AKAP12: variants seen among roughly 807,000 people sequenced by gnomAD.
AKAP12 encodes A-kinase anchor protein 12.
A neutral mutation model predicts 79.9 loss-of-function variants in AKAP12; 32 were observed. The observed-to-expected ratio is 0.40, with a 90% CI of 0.30 to 0.54. The LOEUF is 0.54. Among genes scored for constraint, AKAP12 ranks in the 20% least tolerant of loss-of-function variants. The pLI, the probability that AKAP12 is intolerant of heterozygous loss-of-function variation, is 0.48. For synonymous variants in AKAP12, 808 were observed against 857.0 expected, an observed-to-expected ratio of 0.94 and a Z score of 1.00; for missense variants, 2,074 against 2,177.0, an observed-to-expected ratio of 0.95 and a Z score of 0.94.
rs534193934 is a variant in AKAP12, at chr6:151,309,623, C to T, written c.319+3720C>T. Among the ~76,000 whole-genome samples the T allele has an allele frequency of 1.4e-4, 21 of 152,172 alleles. No homozygotes were observed. The South Asian group carries it at 3.7e-3, about 27-fold the overall frequency. On this transcript the variant is annotated intron_variant, in intron 3 of 4. Transcript: ENST00000402676. ...TTCTTAAATGTTAGAAAGAAGGAAC[C>T]GCATATAAATATTGTCTAAACTCTA...
chr6:151,246,223 C>T (rs1329689013), intron 2 of AKAP12, among the ~76,000 whole-genome samples: 1 of 152,168 alleles, frequency 6.6e-6, no homozygotes, highest in African/African-American at 2.4e-5. Flanking sequence ...TCGAGACCAG[C>T]CTGGCCAACA....
chr6:151,351,576 CAGA>C lies in AKAP12; in HGVS notation c.3189_3191del (p.Glu1063del), dbSNP rs1356319131. 3 of 1,614,046 alleles carry C rather than the reference CAGA, an allele frequency of 1.9e-6. No individual in the cohort carries two copies. Among genetic ancestry groups the C allele is most frequent in the African/African-American group, 2.7e-5 (2 of 75,040 alleles). ...TCCCAGCTGCCTGGCACCGGTGGGCCAGAAGATGTGCTTCAGCCTGTGCAGAGA... is the reference window on the plus strand; with the variant it reads ...TCCCAGCTGCCTGGCACCGGTGGGCCAGATGTGCTTCAGCCTGTGCAGAGA... On this transcript the variant is annotated inframe_deletion, in exon 4 of 5. Coordinates refer to ENST00000402676, the MANE Select transcript of AKAP12 (RefSeq NM_005100.4). The surrounding 1 kb of genome is among the most constrained non-coding windows in gnomAD (Gnocchi z 4.4).
chr6:151,311,459 C>T (rs760034176), intron 3 of AKAP12, among the ~76,000 whole-genome samples: 9 of 152,166 alleles, frequency 5.9e-5, no homozygotes, highest in East Asian at 3.9e-4. Context: ...GGTATAGAGG[C>T]GGCTCCCGGT....
At chr6:151,309,954 TG>T (rs1777053992) in intron 3 of AKAP12, among the ~76,000 whole-genome samples, 1 of 150,186 alleles carries the variant, frequency 6.7e-6, no homozygotes, top group African/African-American at 2.5e-5. Context: ...GGGGCAAATC[TG>T]CTTCTACCGA....
rs182366913 is a variant in AKAP12, at chr6:151,305,383, G to A, written c.163-364G>A. Among the ~76,000 whole-genome samples, 336 of 152,304 alleles carry A rather than the reference G, an allele frequency of 2.2e-3. 1 individual carries two copies. The highest frequency in any genetic ancestry group is 5.7e-3 in the African/African-American group (238 of 41,576). On this transcript the variant is annotated intron_variant, in intron 2 of 4. Transcript: ENST00000402676. ...ATTTATTATTTTAAAGTAAAAAAGAGGTTTTTAAGTCTGCCTTCCATAGTA... is the reference window on the plus strand; with the variant it reads ...ATTTATTATTTTAAAGTAAAAAAGAAGTTTTTAAGTCTGCCTTCCATAGTA...
intron 2 of AKAP12, among the ~76,000 whole-genome samples, chr6:151,294,784 T>G (rs1376847902): frequency 6.6e-6 from 1 of 152,260 alleles, no homozygotes; most frequent in African/African-American, 2.4e-5. Context: ...TAAAAACAAC[T>G]ATAACTTTTT....
At chr6:151,328,050 G>A (rs991827188) in intron 3 of AKAP12, among the ~76,000 whole-genome samples, 2 of 152,148 alleles carry the variant, frequency 1.3e-5, no homozygotes, top group Admixed American at 6.5e-5. Flanking sequence ...AGTAACAACC[G>A]GGCGCGGTGG....
chr6:151,259,047 G>GTA (rs199564755), intron 2 of AKAP12, among the ~76,000 whole-genome samples: 24 of 146,812 alleles, frequency 1.6e-4, no homozygotes, highest in South Asian at 8.6e-4. Flanking sequence ...ATATATGTGT[G>GTA]TATATATATA....
At chr6:151,240,125 C>G (rs1052891850) in intron 1 of AKAP12, 66 bp downstream of exon 1, 5 of 158,238 alleles carry the variant, frequency 3.2e-5, no homozygotes, top group Non-Finnish European at 5.5e-5. Flanking sequence ...CTCCCCTGCT[C>G]TCTTGCCTTC....
chr6:151,349,056 C>A lies in AKAP12; in HGVS notation c.665C>A (p.Ala222Asp). 1 of 1,612,552 alleles carries A rather than the reference C, an allele frequency of 6.2e-7. No individual in the cohort carries two copies. The highest frequency in any genetic ancestry group is 8.5e-7 in the Non-Finnish European group (1 of 1,179,658). ...AGDHKDPSLG[A>D]GEAASKESEP... ...GACCACAAGGACCCCAGCCTTGGGG[C>A]TGGAGAAGCAGCATCCAAAGAAAGC... The change falls in exon 4 of 5, where the codon GCT (alanine) becomes GAT (aspartate). Residue 222 changes from alanine to aspartate, a missense_variant. By Grantham distance (126) the Ala-to-Asp change is moderately radical. This residue lies in a region of AKAP12 where 1,428 missense variants were observed against 1,451.0 expected (regional missense o/e 0.98). Transcript: ENST00000402676.
At chr6:151,310,795 C>A (rs953033921) in intron 3 of AKAP12, among the ~76,000 whole-genome samples, 1 of 152,154 alleles carries the variant, frequency 6.6e-6, no homozygotes, top group African/African-American at 2.4e-5. Flanking sequence ...AGGTCTTCAT[C>A]CATTTGAATT....
intron 2 of AKAP12, among the ~76,000 whole-genome samples, chr6:151,292,417 A>G (rs936572949): frequency 4.6e-5 from 7 of 152,220 alleles, no homozygotes; most frequent in Admixed American, 3.9e-4. Flanking sequence ...ATTTGCAGAC[A>G]GTGTGTAGTA....
rs1349850485 is a variant in AKAP12 at position 151,345,932 on chromosome 6, T to TGTGAGAGAGAGAGAGA, written c.320-2778_320-2777insTGAGAGAGAGAGAGAG. ...GTGTGTGTGTGTGTGTGTGTGTGTG[T>TGTGAGAGAGAGAGAGA]GAGAGAGAGAGAGAGAGAGAGAGAG... On this transcript the variant is annotated intron_variant, in intron 3 of 4. Coordinates refer to ENST00000402676, the MANE Select transcript of AKAP12 (RefSeq NM_005100.4). 5.1e-4 allele frequency among the ~76,000 whole-genome samples: 52 copies of TGTGAGAGAGAGAGAGA among 101,432 alleles called. 1 individual carries two copies. Among genetic ancestry groups the TGTGAGAGAGAGAGAGA allele is most frequent in the African/African-American group, 2.0e-3 (47 of 22,986 alleles). The allele number at this position is 101,432 out of a possible 152,430, so 66.5% of individuals were successfully genotyped here. A position where few individuals can be genotyped will look rare whatever the true frequency, so the allele number is the denominator to read the frequency against.
chr6:151,272,442 C>A (rs535323177), intron 2 of AKAP12, among the ~76,000 whole-genome samples: 67 of 151,840 alleles, frequency 4.4e-4, no homozygotes, highest in Middle Eastern at 3.5e-3. Context: ...AGAATACTCC[C>A]TTTGCCTTTC....
chr6:151,343,294 GTGTT>G (rs1028851317), intron 3 of AKAP12, among the ~76,000 whole-genome samples: 23 of 152,136 alleles, frequency 1.5e-4, no homozygotes, highest in African/African-American at 5.6e-4. Context: ...AGGTTGATGA[GTGTT>G]TGTTTTTAAT....
intron 3 of AKAP12, among the ~76,000 whole-genome samples, chr6:151,342,063 T>C (rs1205780534): frequency 6.6e-6 from 1 of 152,194 alleles, no homozygotes; most frequent in African/African-American, 2.4e-5. Flanking sequence ...GGGGTTGGAA[T>C]GGACATGGCT....
intron 2 of AKAP12, among the ~76,000 whole-genome samples, chr6:151,267,921 C>T (rs906393491): frequency 3.9e-5 from 6 of 152,284 alleles, no homozygotes; most frequent in South Asian, 2.1e-4. Context: ...CTGTCTCTCT[C>T]GGCGTTTGCT....
At chr6:151,334,682 C>T (rs1450728753) in intron 3 of AKAP12, among the ~76,000 whole-genome samples, 3 of 150,600 alleles carry the variant, frequency 2.0e-5, no homozygotes, top group Non-Finnish European at 3.0e-5. Context: ...AGTGCAGTGG[C>T]GCGATCTCGG....
intron 2 of AKAP12, among the ~76,000 whole-genome samples, chr6:151,271,214 G>A (rs1456369326): frequency 6.6e-6 from 1 of 151,938 alleles, no homozygotes; most frequent in Non-Finnish European, 1.5e-5. Context: ...CTTTTTTAGA[G>A]TAAGTTTTAG....
Sources: gnomAD v4.1 joint callset for allele counts (sites outside exome capture counted in the v4.1 genomes callset) on GRCh38, gnomAD v4.1.1 for gene constraint, gnomAD v4.1.1 regional missense constraint, Gnocchi (gnomAD v3.1) non-coding constraint, MANE v1.5 for transcripts, NCBI Gene and HGNC (gene_info 2026-07-23, HGNC 2026-07-21) for gene names.